GRIP1: variants seen among roughly 807,000 people sequenced by gnomAD.
GRIP1 encodes the protein glutamate receptor interacting protein 1, also known as glutamate receptor-interacting protein 1.
Under a neutral mutation model 129.9 loss-of-function variants are expected in GRIP1, and 45 were observed. The ratio of observed to expected loss-of-function variants is 0.35; its 90% CI spans 0.27 to 0.44. The LOEUF is 0.44. GRIP1 is among the 20% of genes least tolerant of loss of function. GRIP1 has a pLI of 1.00. For missense variants in GRIP1, 1,196 were observed against 1,396.8 expected, an observed-to-expected ratio of 0.86 and a Z score of 2.29; for synonymous variants, 530 against 520.8, an observed-to-expected ratio of 1.02 and a Z score of -0.24.
chr12:67,022,583 T>C (rs2042883672), intron 1 of GRIP1, among the ~76,000 whole-genome samples: 1 of 152,220 alleles, frequency 6.6e-6, no homozygotes. Context: ...TTCCTTCCTG[T>C]CCTTGCCAAC....
chr12:66,676,227 T>G (rs2034321265), intron 1 of GRIP1, among the ~76,000 whole-genome samples: 1 of 152,108 alleles, frequency 6.6e-6, no homozygotes, highest in African/African-American at 2.4e-5. Context: ...TAATCGATAT[T>G]TGTTAAGTAT....
At chr12:67,001,655 T>C (rs2042552483) in intron 1 of GRIP1, among the ~76,000 whole-genome samples, 1 of 152,122 alleles carries the variant, frequency 6.6e-6, no homozygotes, top group South Asian at 2.1e-4. Context: ...ACATGGTAAC[T>C]AGAGATTGGA....
chr12:66,555,060 G>C (rs1209931610), intron 2 of GRIP1, among the ~76,000 whole-genome samples: 2 of 152,126 alleles, frequency 1.3e-5, no homozygotes, highest in Non-Finnish European at 2.9e-5. Flanking sequence ...AAACATAGGT[G>C]GTAGCCAAGT....
intron 1 of GRIP1, among the ~76,000 whole-genome samples, chr12:66,866,547 A>C (rs1031865827): frequency 3.3e-5 from 5 of 152,206 alleles, no homozygotes; most frequent in African/African-American, 1.2e-4. Flanking sequence ...AAGACCTACT[A>C]ATTGATAGCA....
chr12:66,649,738 G>C (rs894865778), intron 1 of GRIP1, among the ~76,000 whole-genome samples: 1 of 152,192 alleles, frequency 6.6e-6, no homozygotes, highest in African/African-American at 2.4e-5. Flanking sequence ...ACATGAAAAA[G>C]ACGTAGGTTT....
intron 2 of GRIP1, among the ~76,000 whole-genome samples, chr12:66,546,894 A>G (rs2061965209): frequency 6.6e-6 from 1 of 152,206 alleles, no homozygotes; most frequent in African/African-American, 2.4e-5. Flanking sequence ...ATAAAAGGAA[A>G]AAAAAATCAG....
At chr12:66,461,500 C>T (rs10219463) in intron 9 of GRIP1, among the ~76,000 whole-genome samples, 33,243 of 152,110 alleles carry the variant, frequency 0.22, 3,997 homozygotes, top group African/African-American at 0.29. Flanking sequence ...TCCTTGTGAA[C>T]GGCACCTTCC....
In GRIP1 at chr12:66,729,323, G is replaced by C. The variant is rs146961309; in HGVS notation, c.-420+74730C>G. On this transcript the variant is annotated intron_variant, in intron 1 of 4. Transcript: ENST00000538373. ...AAAAACCATACTGACATTAATATAT[G>C]CAGTTTTATTCCAAATAAAATATGT... 2.6e-3 allele frequency among the ~76,000 whole-genome samples: 397 copies of C among 152,192 alleles called. 1 individual carries two copies. Among genetic ancestry groups the C allele is most frequent in the African/African-American group, 9.2e-3 (380 of 41,504 alleles).
chr12:66,945,702 A>T (rs756287227), intron 1 of GRIP1, among the ~76,000 whole-genome samples: 1 of 152,200 alleles, frequency 6.6e-6, no homozygotes, highest in Non-Finnish European at 1.5e-5. Flanking sequence ...CACCTCTCAC[A>T]CTGGGGATTA....
At chr12:67,004,037 C>T (rs546591196) in intron 1 of GRIP1, among the ~76,000 whole-genome samples, 49 of 152,282 alleles carry the variant, frequency 3.2e-4, no homozygotes, top group Non-Finnish European at 4.1e-4. Flanking sequence ...ATCACCTTCT[C>T]CTCTGTGACT....
intron 1 of GRIP1, among the ~76,000 whole-genome samples, chr12:66,740,298 C>T (rs2036747772): frequency 6.6e-6 from 1 of 152,198 alleles, no homozygotes; most frequent in South Asian, 2.1e-4. Context: ...CCTTCCTCAG[C>T]TGGATCTGGC....
chr12:66,752,140 TAAC>T (rs1054515642), intron 1 of GRIP1, among the ~76,000 whole-genome samples: 50 of 152,318 alleles, frequency 3.3e-4, no homozygotes, highest in African/African-American at 1.2e-3. Flanking sequence ...GATATATTTA[TAAC>T]AACAGTCATA....
In GRIP1 at chr12:66,412,864, C is replaced by G. The variant is rs145777800; in HGVS notation, c.1839-6436G>C. Among the ~76,000 whole-genome samples, 519 of 151,838 alleles carry G rather than the reference C, an allele frequency of 3.4e-3. 10 individuals carry two copies. Among genetic ancestry groups the G allele is most frequent in the African/African-American group, 0.012 (498 of 41,438 alleles). On this transcript the variant is annotated intron_variant, in intron 15 of 24. Transcript: ENST00000359742. The stretch of plus-strand genomic sequence containing the variant: ...ATTTCTGACAAAAGATACTTTAAAC[C>G]AACAAAGATAGAAAAAAAATGTTAA...
At chr12:66,692,135 T>C (rs1465719210) in intron 1 of GRIP1, among the ~76,000 whole-genome samples, 1 of 152,196 alleles carries the variant, frequency 6.6e-6, no homozygotes, top group East Asian at 1.9e-4. Context: ...TTGGCACCAA[T>C]AGACAGAACT....
chr12:66,685,501 A>C (rs781221342), intron 1 of GRIP1, among the ~76,000 whole-genome samples: 1 of 152,166 alleles, frequency 6.6e-6, no homozygotes, highest in Non-Finnish European at 1.5e-5. Context: ...TATTTATCCA[A>C]ATTAAAAAGA....
chr12:66,960,519 C>T (rs952323803), intron 1 of GRIP1, among the ~76,000 whole-genome samples: 2 of 152,052 alleles, frequency 1.3e-5, no homozygotes, highest in Admixed American at 6.6e-5. Context: ...GAAGACATAC[C>T]ACTGGTGCTC....
chr12:66,571,460 A>C (rs942641743), intron 2 of GRIP1, among the ~76,000 whole-genome samples: 2 of 152,202 alleles, frequency 1.3e-5, no homozygotes, highest in Non-Finnish European at 2.9e-5. Flanking sequence ...ATACTTCCTG[A>C]AAATGTATTA....
chr12:66,397,411 G>A (rs1289704942), intron 16 of GRIP1, among the ~76,000 whole-genome samples: 1 of 151,930 alleles, frequency 6.6e-6, no homozygotes, highest in Non-Finnish European at 1.5e-5. Flanking sequence ...TACTCAGGAG[G>A]CTGAGGCAGG....
chr12:66,896,634 G>A (rs2040754414), intron 1 of GRIP1, among the ~76,000 whole-genome samples: 1 of 152,212 alleles, frequency 6.6e-6, no homozygotes, highest in South Asian at 2.1e-4. Context: ...TTCCAGAGAT[G>A]TGGTTGTGGT....
Sources: gnomAD v4.1 joint callset for allele counts (sites outside exome capture counted in the v4.1 genomes callset) on GRCh38, gnomAD v4.1.1 for gene constraint, MANE v1.5 for transcripts, NCBI Gene and HGNC (gene_info 2026-07-23, HGNC 2026-07-21) for gene names.